The following CCDC73 variants were observed in gnomAD, a reference collection of about 807,000 sequenced individuals.
The protein encoded by CCDC73 is coiled-coil domain containing 73.
Under a neutral mutation model 116.5 loss-of-function variants are expected in CCDC73, and 95 were observed. That is an observed-to-expected ratio of 0.82 (90% CI 0.69 to 0.97). The LOEUF (loss-of-function observed/expected upper bound fraction) is 0.97. Among genes scored for constraint, CCDC73 ranks in the 50% least tolerant of loss-of-function variants. CCDC73 has a pLI of 0.00. For missense variants in CCDC73, 1,066 were observed against 1,206.8 expected (o/e 0.88, Z 1.73); for synonymous variants, 398 against 401.3 (o/e 0.99, Z 0.10).
rs536205328 is a variant in CCDC73 at position 32,665,593 on chromosome 11, G to A, written c.645+9972C>T. 1.4e-3 allele frequency among the ~76,000 whole-genome samples: 208 copies of A among 152,242 alleles called. 2 individuals carry two copies. The highest frequency in any genetic ancestry group is 4.8e-3 in the African/African-American group (199 of 41,544). Reference sequence around the variant, plus strand: ...GGTCTCCTGAATACTGCACACTGATGGGTCTTGACTCTTTATCCAATTTGC... The same window carrying A: ...GGTCTCCTGAATACTGCACACTGATAGGTCTTGACTCTTTATCCAATTTGC... On this transcript the variant is annotated intron_variant, in intron 9 of 17. Transcript: ENST00000335185.
intron 6 of CCDC73, among the ~76,000 whole-genome samples, chr11:32,695,766 T>A (rs571993435): frequency 3.0e-5 from 4 of 131,188 alleles, no homozygotes; most frequent in African/African-American, 1.1e-4. Flanking sequence ...TAATTTTTAG[T>A]TTGGTTGTAA....
chr11:32,691,583 T>C (rs1856258987), intron 6 of CCDC73, among the ~76,000 whole-genome samples: 1 of 152,148 alleles, frequency 6.6e-6, no homozygotes, highest in Non-Finnish European at 1.5e-5. Context: ...TTTTAAGAGG[T>C]CTTTGTTATT....
intron 2 of CCDC73, among the ~76,000 whole-genome samples, chr11:32,724,123 T>C (rs571248143): frequency 6.6e-6 from 1 of 152,266 alleles, no homozygotes; most frequent in South Asian, 2.1e-4. Flanking sequence ...ATCCATACCA[T>C]TTTTAATTTT....
chr11:32,759,776 G>A (rs1169145882), intron 2 of CCDC73, among the ~76,000 whole-genome samples: 1 of 152,132 alleles, frequency 6.6e-6, no homozygotes, highest in East Asian at 1.9e-4. Context: ...TAACAAAAAT[G>A]TAATCTCCCC....
chr11:32,816,426 A>G, the CCDC73 span, among the ~76,000 whole-genome samples: 2 of 152,204 alleles, frequency 1.3e-5, no homozygotes, highest in African/African-American at 4.8e-5. Flanking sequence ...TGTGAAACTC[A>G]TGAGTAATTT....
chr11:32,767,311 A>C (rs921867258), intron 1 of CCDC73, among the ~76,000 whole-genome samples: 7 of 152,192 alleles, frequency 4.6e-5, no homozygotes, highest in Admixed American at 2.0e-4. Context: ...ACTTTATACA[A>C]AAATTAATTC....
intron 14 of CCDC73, among the ~76,000 whole-genome samples, chr11:32,619,977 T>C (rs34186520): frequency 2.6e-5 from 4 of 151,868 alleles, no homozygotes; most frequent in Non-Finnish European, 5.9e-5. Context: ...AAAATGCCGA[T>C]GAAAATCTCC....
chr11:32,653,474 T>A (rs570394266), intron 11 of CCDC73, among the ~76,000 whole-genome samples: 9 of 152,146 alleles, frequency 5.9e-5, no homozygotes, highest in Non-Finnish European at 8.8e-5. Context: ...ATGTGAAGAA[T>A]TCAAAACTAA....
intron 9 of CCDC73, among the ~76,000 whole-genome samples, chr11:32,663,175 T>C (rs560075162): frequency 1.3e-5 from 2 of 152,356 alleles, no homozygotes; most frequent in South Asian, 4.1e-4. Context: ...ATGCGTGTCT[T>C]TTTTGGTTCC....
At chr11:32,643,382 T>G (rs1855749896) in intron 12 of CCDC73, among the ~76,000 whole-genome samples, 2 of 152,066 alleles carry the variant, frequency 1.3e-5, no homozygotes, top group East Asian at 3.8e-4. Context: ...CATGTGTTGG[T>G]TATAGACAGG....
At chr11:32,647,497 C>T (rs1177192187) in intron 12 of CCDC73, among the ~76,000 whole-genome samples, 2 of 152,164 alleles carry the variant, frequency 1.3e-5, no homozygotes, top group East Asian at 3.8e-4. Flanking sequence ...CAGAGGCTTT[C>T]TTCAAATGTC....
chr11:32,613,003 C>T (rs1855435643), intron 16 of CCDC73, among the ~76,000 whole-genome samples: 1 of 152,132 alleles, frequency 6.6e-6, no homozygotes, highest in Non-Finnish European at 1.5e-5. Flanking sequence ...CTGACAAATA[C>T]TGGTCATAGG....
intron 2 of CCDC73, among the ~76,000 whole-genome samples, chr11:32,745,857 G>C (rs1850233520): frequency 6.6e-6 from 1 of 150,430 alleles, no homozygotes; most frequent in African/African-American, 2.4e-5. Flanking sequence ...ACAACACACT[G>C]ATGGGTCTTG....
chr11:32,706,771 C>T (rs966028), intron 3 of CCDC73, among the ~76,000 whole-genome samples: 89,673 of 151,950 alleles, frequency 0.59, 26,761 homozygotes, highest in East Asian at 0.84. Context: ...TGTTAACTGC[C>T]AACCTCGGTT....
intron 6 of CCDC73, among the ~76,000 whole-genome samples, chr11:32,692,423 C>A (rs966767147): frequency 1.3e-5 from 2 of 151,826 alleles, no homozygotes; most frequent in Non-Finnish European, 2.9e-5. Flanking sequence ...TTAGGTATGG[C>A]CTAATAAAAT....
chr11:32,615,427 G>A (rs1204397856), intron 15 of CCDC73, among the ~76,000 whole-genome samples: 1 of 152,008 alleles, frequency 6.6e-6, no homozygotes, highest in Non-Finnish European at 1.5e-5. Flanking sequence ...TCATTACCCA[G>A]TGAATATTTT....
intron 7 of CCDC73, chr11:32,682,769 A>G (rs550973068): frequency 6.6e-6 from 1 of 152,114 alleles, no homozygotes; most frequent in South Asian, 2.1e-4. Context: ...AATATTCCCT[A>G]AAATGTTATG....
intron 2 of CCDC73, among the ~76,000 whole-genome samples, chr11:32,739,276 G>T (rs1245073689): frequency 1.3e-5 from 2 of 151,990 alleles, no homozygotes; most frequent in African/African-American, 4.8e-5. Context: ...TTTGTAGATT[G>T]CTGTGGGTAG....
At chr11:32,748,927 T>G (rs573272442) in intron 2 of CCDC73, among the ~76,000 whole-genome samples, 2 of 152,184 alleles carry the variant, frequency 1.3e-5, no homozygotes, top group Non-Finnish European at 2.9e-5. Context: ...TGGAGCTCCA[T>G]GTATGTTATT....
Sources: gnomAD v4.1 joint callset for allele counts (sites outside exome capture counted in the v4.1 genomes callset) on GRCh38, gnomAD v4.1.1 for gene constraint, MANE v1.5 for transcripts, NCBI Gene and HGNC (gene_info 2026-07-23, HGNC 2026-07-21) for gene names.